TACR2: variants seen among roughly 807,000 people sequenced by gnomAD.
The protein encoded by TACR2 is substance-K receptor.
A neutral mutation model predicts 28.9 loss-of-function variants in TACR2; 24 were observed. The observed-to-expected ratio is 0.83, with a 90% CI of 0.60 to 1.17. TACR2 has a LOEUF of 1.17. TACR2 is among the 50% of genes most tolerant of loss of function. The pLI is 0.00. For synonymous variants in TACR2, 222 were observed against 212.6 expected, an observed-to-expected ratio of 1.04 and a Z score of -0.38; for missense variants, 487 against 524.4, an observed-to-expected ratio of 0.93 and a Z score of 0.70.
intron 2 of TACR2, among the ~76,000 whole-genome samples, chr10:69,411,526 C>G (rs1433832539): frequency 1.3e-5 from 2 of 152,124 alleles, no homozygotes; most frequent in African/African-American, 4.8e-5. Context: ...CAGCCTCTGG[C>G]TCCAAGAGTT....
chr10:69,415,248 G>T, intron 1 of TACR2, 109 bp from the exon 2 acceptor site: 3 of 1,204,148 alleles, frequency 2.5e-6, no homozygotes, highest in South Asian at 1.6e-5. Flanking sequence ...GCCATTCCCC[G>T]CACTGCTGCC....
At chr10:69,409,925 A>G (rs1283923382) in intron 2 of TACR2, among the ~76,000 whole-genome samples, 14 of 74,660 alleles carry the variant, frequency 1.9e-4, no homozygotes, top group African/African-American at 4.9e-4. Flanking sequence ...ATATATATAT[A>G]TATATATATA....
In TACR2 at chr10:69,415,941, G is replaced by A. The variant is rs1298399525; in HGVS notation, c.383C>T (p.Ala128Val). 1.9e-6 allele frequency: 3 copies of A among 1,612,724 alleles called. No individual in the cohort carries two copies. The highest frequency in any genetic ancestry group is 2.5e-6 in the Non-Finnish European group (3 of 1,178,830). Residue 128 changes from alanine (A) to valine (V), a missense_variant, in exon 1 of 5, where the codon GCT (alanine) becomes GTT (valine). By Grantham distance (64) the Ala-to-Val change is moderately conservative. Coordinates refer to ENST00000373306, the MANE Select transcript of TACR2 (RefSeq NM_001057.3). Reference sequence around the variant, plus strand: ...CCAAGGACCCTCTTGCCTGTCGGCAGCAATGGCGGTCATGGAGTAGATGCT... The same window carrying A: ...CCAAGGACCCTCTTGCCTGTCGGCAACAATGGCGGTCATGGAGTAGATGCT... ...FVSIYSMTAI[A>V]ADRYMAIVHP...
chr10:69,415,443 A>G (rs1323591232), intron 1 of TACR2, among the ~76,000 whole-genome samples: 1 of 152,258 alleles, frequency 6.6e-6, no homozygotes, highest in Non-Finnish European at 1.5e-5. Flanking sequence ...TCTCAGGGCA[A>G]GATCAAGCAT....
In TACR2 at chr10:69,405,439, T is replaced by C. The variant is rs190240279; in HGVS notation, c.939-355A>G. Among the ~76,000 whole-genome samples the C allele has an allele frequency of 7.7e-4, 118 of 152,270 alleles. 1 individual carries two copies. The East Asian group carries it at 0.021, about 27-fold the overall frequency. ...TTCTTGTCTGACTTGTTAACTGGCT[T>C]CTAAGGGATGAGTCAAAGAAGAACC... is the stretch of plus-strand genomic sequence containing the variant. On this transcript the variant is annotated intron_variant, in intron 4 of 4. Transcript: ENST00000373306.
chr10:69,413,395 C>T (rs547829923), intron 2 of TACR2, among the ~76,000 whole-genome samples: 65 of 152,362 alleles, frequency 4.3e-4, no homozygotes, highest in African/African-American at 1.5e-3. Context: ...TCTCAGAGAG[C>T]TGGCACGCAC....
At chr10:69,409,774 A>G (rs1549802) in intron 2 of TACR2, among the ~76,000 whole-genome samples, 2,684 of 150,886 alleles carry the variant, frequency 0.018, 94 homozygotes, top group African/African-American at 0.062. Context: ...ATTCAGTGCT[A>G]TCTGAAGTTT....
rs1416886777 is a variant in TACR2 at position 69,416,355 on chromosome 10, G to C, written c.-32C>G. 1.9e-6 allele frequency: 3 copies of C among 1,543,746 alleles called. No individual in the cohort carries two copies. Among genetic ancestry groups the C allele is most frequent in the Non-Finnish European group, 2.6e-6 (3 of 1,143,648 alleles). On this transcript the variant is annotated 5_prime_UTR_variant, in exon 1 of 5. Transcript: ENST00000373306. ...TTCTGGGTCTGGAACAAAGGACCTG[G>C]CTCCTCGGCTCCTCTCGGATTTGCT...
intron 2 of TACR2, among the ~76,000 whole-genome samples, chr10:69,411,841 T>G (rs564883402): frequency 2.1e-5 from 3 of 143,930 alleles, no homozygotes; most frequent in Admixed American, 2.0e-4. Context: ...TTTGATTTTG[T>G]TTTTTTTGAG....
chr10:69,415,561 G>A (rs375102675), intron 1 of TACR2, among the ~76,000 whole-genome samples: 10 of 148,972 alleles, frequency 6.7e-5, no homozygotes, highest in African/African-American at 2.1e-4. Context: ...TAATCTATCC[G>A]GAATAATAAA....
At chr10:69,415,811 T>A (rs1840611072) in intron 1 of TACR2, 121 bp downstream of exon 1, 9 of 1,204,194 alleles carry the variant, frequency 7.5e-6, no homozygotes, top group Non-Finnish European at 1.0e-5. Context: ...TGACCAGATT[T>A]GGGAAGCCAT....
chr10:69,413,937 T>C (rs1205943378), intron 2 of TACR2, among the ~76,000 whole-genome samples: 1 of 152,226 alleles, frequency 6.6e-6, no homozygotes, highest in Non-Finnish European at 1.5e-5. Context: ...GGTACTATTA[T>C]GAATCCTCAT....
intron 2 of TACR2, among the ~76,000 whole-genome samples, chr10:69,412,127 A>T (rs1304259878): frequency 2.0e-5 from 3 of 152,156 alleles, no homozygotes; most frequent in Non-Finnish European, 4.4e-5. Flanking sequence ...GCCTGATTTG[A>T]GTAATTATAA....
intron 3 of TACR2, among the ~76,000 whole-genome samples, chr10:69,408,318 G>C (rs1840523250): frequency 6.6e-6 from 1 of 152,078 alleles, no homozygotes; most frequent in Non-Finnish European, 1.5e-5. Context: ...TAGTTCTGTG[G>C]GGCTTCTCAA....
At position 69,415,083 on chromosome 10, in the gene TACR2, G is replaced by A. The variant is rs988719658; in HGVS notation, c.449C>T (p.Ala150Val). 11 of 1,613,284 alleles carry A rather than the reference G, an allele frequency of 6.8e-6. No individual in the cohort carries two copies. The highest frequency in any genetic ancestry group is 4.4e-5 in the South Asian group (4 of 91,058). The change falls in exon 2 of 5, where the codon GCG becomes GTG. Residue 150 changes from alanine to valine, a missense_variant. Transcript: ENST00000373306. Reference sequence around the variant, plus strand: ...CACCAGCCAGATGCCAGCAATAACCGCCTTGGTGCTGGGAGCTGAAAGCCG... The same window carrying A: ...CACCAGCCAGATGCCAGCAATAACCACCTTGGTGCTGGGAGCTGAAAGCCG... ...QPRLSAPSTK[A>V]VIAGIWLVAL... is the part of the protein sequence containing the mutation.
rs377267659 is a variant in TACR2, at chr10:69,415,949, G to A, written c.375C>T (p.Thr125=). 24 of 1,613,288 alleles carry A rather than the reference G, an allele frequency of 1.5e-5. No individual in the cohort carries two copies. The highest frequency in any genetic ancestry group is 4.0e-5 in the African/African-American group (3 of 75,054). The change falls in exon 1 of 5, where the codon ACC becomes ACT. Residue 125 remains threonine, a synonymous_variant. Transcript: ENST00000373306. ...TAMFVSIYSM[T]AIAADRYMAI... is the part of the protein sequence containing the mutation. ...CCTCTTGCCTGTCGGCAGCAATGGC[G>A]GTCATGGAGTAGATGCTGACAAACA... is the stretch of plus-strand genomic sequence containing the variant.
chr10:69,407,010 TG>T (rs1840507473), intron 4 of TACR2, 73 bp downstream of exon 4: 1 of 1,470,730 alleles, frequency 6.8e-7, no homozygotes, highest in African/African-American at 1.4e-5. Context: ...ATGCTTGAGC[TG>T]TGCAGGGGAG....
chr10:69,414,391 C>A (rs186316573), intron 2 of TACR2, among the ~76,000 whole-genome samples: 2 of 152,364 alleles, frequency 1.3e-5, no homozygotes, highest in East Asian at 3.9e-4. Flanking sequence ...CAAATATGCC[C>A]ACACACTTGC....
Position 69,416,101 on chromosome 10 carries a change from G to A in TACR2, c.223C>T (p.Leu75=), listed in dbSNP as rs1173670475. The A allele has an allele frequency of 1.2e-6, 2 of 1,614,246 alleles. No homozygotes were observed. The highest frequency in any genetic ancestry group is 1.7e-5 in the Admixed American group (1 of 60,026). The change falls in exon 1 of 5, where the codon CTG becomes TTG. Residue 75 remains leucine (L), a synonymous_variant. Transcript: ENST00000373306. ...RTVTNYFIVN[L]ALADLCMAAF... is the part of the protein sequence containing the mutation. The stretch of plus-strand genomic sequence containing the variant: ...GCCATGCAGAGGTCAGCCAGCGCCA[G>A]ATTGACGATGAAGTAGTTGGTGACT...
Sources: gnomAD v4.1 joint callset for allele counts (sites outside exome capture counted in the v4.1 genomes callset) on GRCh38, gnomAD v4.1.1 for gene constraint, MANE v1.5 for transcripts, NCBI Gene and HGNC (gene_info 2026-07-23, HGNC 2026-07-21) for gene names.